The following RAB3C variants were observed in gnomAD, a reference collection of about 807,000 sequenced individuals.
RAB3C encodes ras-related protein Rab-3C.
A neutral mutation model predicts 26.4 loss-of-function variants in RAB3C; 17 were observed. That is an observed-to-expected ratio of 0.64 (90% CI 0.44 to 0.97). RAB3C has a LOEUF of 0.97. Ranked by LOEUF, RAB3C falls within the 50% of genes least tolerant of loss-of-function variation. RAB3C has a pLI of 0.00. For synonymous variants in RAB3C, 91 were observed against 95.9 expected (o/e 0.95, Z 0.30); for missense variants, 242 against 281.9 (o/e 0.86, Z 1.01).
intron 3 of RAB3C, among the ~76,000 whole-genome samples, chr5:58,779,746 G>A (rs1321899539): frequency 6.6e-6 from 1 of 152,006 alleles, no homozygotes; most frequent in Non-Finnish European, 1.5e-5. Context: ...ACTGGTAGAT[G>A]GTCTTTGTGT....
chr5:58,704,636 C>G (rs1029211326), intron 2 of RAB3C, among the ~76,000 whole-genome samples: 4 of 152,038 alleles, frequency 2.6e-5, no homozygotes, highest in African/African-American at 4.8e-5. Context: ...CATTTCAGAA[C>G]AACAGTCATT....
intron 2 of RAB3C, among the ~76,000 whole-genome samples, chr5:58,676,849 T>C (rs1579852337): frequency 6.6e-6 from 1 of 152,210 alleles, no homozygotes; most frequent in Non-Finnish European, 1.5e-5. Context: ...GTACTCAAAA[T>C]TATCAATGTA....
chr5:58,614,480 CA>C (rs150581049), intron 1 of RAB3C, among the ~76,000 whole-genome samples: 20 of 150,520 alleles, frequency 1.3e-4, no homozygotes, highest in Admixed American at 3.3e-4. Context: ...GGAAATAGTA[CA>C]AAAAAAAACC....
intron 1 of RAB3C, among the ~76,000 whole-genome samples, chr5:58,612,336 T>C (rs1459197820): frequency 1.3e-5 from 2 of 151,870 alleles, no homozygotes; most frequent in Non-Finnish European, 2.9e-5. Flanking sequence ...ATACCCATTT[T>C]AATGATATTG....
At chr5:58,588,172 A>G (rs562351210) in intron 1 of RAB3C, among the ~76,000 whole-genome samples, 4 of 152,124 alleles carry the variant, frequency 2.6e-5, no homozygotes, top group East Asian at 1.9e-4. Context: ...TGTTTTTTCT[A>G]TTGTTCTTTT....
At chr5:58,755,899 A>G (rs993192320) in intron 3 of RAB3C, among the ~76,000 whole-genome samples, 1 of 152,238 alleles carries the variant, frequency 6.6e-6, no homozygotes, top group African/African-American at 2.4e-5. Context: ...GCAAATTAAC[A>G]TCACATTCTT....
chr5:58,634,883 CAG>C (rs1747256565), intron 2 of RAB3C, among the ~76,000 whole-genome samples: 1 of 152,074 alleles, frequency 6.6e-6, no homozygotes, highest in Non-Finnish European at 1.5e-5. Flanking sequence ...ATCCTCTTCG[CAG>C]AAGAAGATGA....
At chr5:58,791,789 G>C (rs1742528785) in intron 3 of RAB3C, among the ~76,000 whole-genome samples, 2 of 152,306 alleles carry the variant, frequency 1.3e-5, no homozygotes, top group African/African-American at 2.4e-5. Flanking sequence ...CCAAACTTTA[G>C]TAATTATTTC....
intron 2 of RAB3C, among the ~76,000 whole-genome samples, chr5:58,658,662 G>A (rs527531727): frequency 6.6e-6 from 1 of 152,268 alleles, no homozygotes; most frequent in South Asian, 2.1e-4. Flanking sequence ...ACTGGGTTTA[G>A]CTGGGTGGCT....
chr5:58,810,425 A>C (rs2112038856), intron 3 of RAB3C, among the ~76,000 whole-genome samples: 1 of 149,086 alleles, frequency 6.7e-6, no homozygotes, highest in East Asian at 2.0e-4. Flanking sequence ...GTTTTCTTAG[A>C]AGTTACTTTG....
intron 2 of RAB3C, among the ~76,000 whole-genome samples, chr5:58,695,604 A>C (rs1366605798): frequency 6.6e-6 from 1 of 152,150 alleles, no homozygotes; most frequent in African/African-American, 2.4e-5. Context: ...TTCGTTGAGC[A>C]GTGGTTTGTA....
At chr5:58,809,520 A>G (rs1743021547) in intron 3 of RAB3C, among the ~76,000 whole-genome samples, 1 of 152,202 alleles carries the variant, frequency 6.6e-6, no homozygotes, top group Non-Finnish European at 1.5e-5. Flanking sequence ...GAAACTCCTC[A>G]AATTCATATT....
intron 3 of RAB3C, among the ~76,000 whole-genome samples, chr5:58,803,134 C>T (rs556126720): frequency 6.6e-6 from 1 of 152,206 alleles, no homozygotes; most frequent in East Asian, 1.9e-4. Flanking sequence ...TGACCATGCC[C>T]CTAAGAAGAA....
chr5:58,818,179 A>C (rs959986397), intron 3 of RAB3C, among the ~76,000 whole-genome samples: 2 of 152,320 alleles, frequency 1.3e-5, no homozygotes, highest in African/African-American at 4.8e-5. Context: ...GTCATTCTCC[A>C]TGAGAAGAGG....
chr5:58,718,438 TA>T, intron 2 of RAB3C, among the ~76,000 whole-genome samples: 1 of 152,106 alleles, frequency 6.6e-6, no homozygotes, highest in East Asian at 1.9e-4. Flanking sequence ...AGGCCCCTTA[TA>T]AAAAAGCTAT....
At chr5:58,735,431 G>C (rs914760538) in intron 3 of RAB3C, among the ~76,000 whole-genome samples, 5 of 152,194 alleles carry the variant, frequency 3.3e-5, no homozygotes, top group Non-Finnish European at 7.3e-5. Context: ...AGGACAAACT[G>C]TAGAATTATA....
intron 2 of RAB3C, among the ~76,000 whole-genome samples, chr5:58,692,815 T>C (rs1466197577): frequency 6.6e-6 from 1 of 152,056 alleles, no homozygotes; most frequent in African/African-American, 2.4e-5. Context: ...AGATTCAAAA[T>C]ATAATTTCTT....
chr5:58,791,335 C>T (rs1036483822), intron 3 of RAB3C, among the ~76,000 whole-genome samples: 3 of 152,150 alleles, frequency 2.0e-5, no homozygotes, highest in Admixed American at 1.3e-4. Flanking sequence ...GCTCAAACCA[C>T]CTGGGACTCA....
intron 2 of RAB3C, among the ~76,000 whole-genome samples, chr5:58,675,646 A>G (rs530038831): frequency 7.5e-4 from 93 of 124,412 alleles, no homozygotes; most frequent in African/African-American, 2.9e-3. Flanking sequence ...TTGGCTTTTC[A>G]GCAAATGACT....
Sources: gnomAD v4.1 joint callset for allele counts (sites outside exome capture counted in the v4.1 genomes callset) on GRCh38, gnomAD v4.1.1 for gene constraint, MANE v1.5 for transcripts, NCBI Gene and HGNC (gene_info 2026-07-23, HGNC 2026-07-21) for gene names.